Variants in ADAM22 observed in about 807,000 individuals in gnomAD.
ADAM22 encodes ADAM metallopeptidase domain 22.
ADAM22 carries 65 observed loss-of-function variants against 144.6 expected under a neutral mutation model. The observed-to-expected ratio is 0.45, with a 90% CI of 0.37 to 0.55. The LOEUF (loss-of-function observed/expected upper bound fraction) is 0.55. Among genes scored for constraint, ADAM22 ranks in the 20% least tolerant of loss-of-function variants. The probability of loss-of-function intolerance (pLI) is 0.00; values close to 1 mark genes in which losing one functional copy is unlikely to be tolerated. For missense variants in ADAM22, 974 were observed against 1,184.9 expected, an observed-to-expected ratio of 0.82 and a Z score of 2.61; for synonymous variants, 391 against 412.6, an observed-to-expected ratio of 0.95 and a Z score of 0.63.
At chr7:88,087,270 A>T (rs1161437256) in intron 4 of ADAM22, among the ~76,000 whole-genome samples, 1 of 152,186 alleles carries the variant, frequency 6.6e-6, no homozygotes, top group Non-Finnish European at 1.5e-5. Context: ...CATTTTTGGT[A>T]TCTAACAATT....
chr7:88,101,177 AT>A (rs1822815357), intron 4 of ADAM22, among the ~76,000 whole-genome samples: 1 of 150,252 alleles, frequency 6.7e-6, no homozygotes, highest in South Asian at 2.1e-4. Context: ...GAGGCTGTGA[AT>A]TTTTTAAAAG....
At chr7:87,963,283 G>C (rs1238326317) in intron 2 of ADAM22, among the ~76,000 whole-genome samples, 1 of 152,148 alleles carries the variant, frequency 6.6e-6, no homozygotes, top group East Asian at 1.9e-4. Context: ...TTGCCAGGAG[G>C]CAGCTTCCCA....
At position 87,938,594 on chromosome 7, in the gene ADAM22, C is replaced by G. The variant is rs773474031; in HGVS notation, c.246+3408C>G. On this transcript the variant is annotated intron_variant, in intron 2 of 31. Coordinates refer to ENST00000413139, the MANE Select transcript of ADAM22 (RefSeq NM_001324418.2). The stretch of plus-strand genomic sequence containing the variant: ...GGTGATTTTCTGTGAACTCAAAAAG[C>G]TTATATAGATTTGTTGATTTGTTTC... Among the ~76,000 whole-genome samples the G allele has an allele frequency of 7.4e-4, 112 of 152,088 alleles. No individual in the cohort carries two copies. The Middle Eastern group carries it at 0.014, about 18-fold the overall frequency.
At chr7:88,036,085 A>C (rs1054199761) in intron 3 of ADAM22, among the ~76,000 whole-genome samples, 3 of 152,350 alleles carry the variant, frequency 2.0e-5, no homozygotes, top group African/African-American at 7.2e-5. Flanking sequence ...TGGCAAAATT[A>C]AATATAAATG....
intron 4 of ADAM22, among the ~76,000 whole-genome samples, chr7:88,092,000 G>T (rs570204327): frequency 2.0e-5 from 3 of 150,036 alleles, no homozygotes; most frequent in Non-Finnish European, 3.0e-5. Flanking sequence ...TTCATTTTTA[G>T]TCCTTCTTTG....
chr7:87,942,133 G>A lies in ADAM22; in HGVS notation c.246+6947G>A, dbSNP rs947362400. Among the ~76,000 whole-genome samples, 32 of 152,228 alleles carry A rather than the reference G, an allele frequency of 2.1e-4. 1 individual carries two copies. In the Middle Eastern group the frequency reaches 0.017, roughly 81 times the overall value. ...AGATGTTCATAAAAGTGGGGCTGGG[G>A]GATGGAGCAGAAGAAAAGGTAGAGT... On this transcript the variant is annotated intron_variant, in intron 2 of 31. Transcript: ENST00000413139.
intron 14 of ADAM22, among the ~76,000 whole-genome samples, chr7:88,136,586 CT>C (rs1343017846): frequency 6.6e-6 from 1 of 151,970 alleles, no homozygotes; most frequent in African/African-American, 2.4e-5. Context: ...CAATGCTTGT[CT>C]TTTATTCTTG....
At chr7:87,984,632 C>T (rs918597521) in intron 3 of ADAM22, among the ~76,000 whole-genome samples, 1 of 152,168 alleles carries the variant, frequency 6.6e-6, no homozygotes, top group Non-Finnish European at 1.5e-5. Flanking sequence ...CTTAAATCCT[C>T]TTTCCGAATC....
In ADAM22 at chr7:88,098,128, G is replaced by A. The variant is rs116288405; in HGVS notation, c.391-10048G>A. Among the ~76,000 whole-genome samples the A allele has an allele frequency of 3.0e-3, 455 of 152,180 alleles. 3 individuals carry two copies. The highest frequency in any genetic ancestry group is 0.011 in the African/African-American group (439 of 41,536). ...TGACAGCTGCATATTAATTTCTCTC[G>A]ACTATTCTGTTACAAATAAGCAATT... On this transcript the variant is annotated intron_variant, in intron 4 of 31. Coordinates refer to ENST00000413139, the MANE Select transcript of ADAM22 (RefSeq NM_001324418.2).
At chr7:87,934,752 G>A (rs189387539) in intron 1 of ADAM22, 140 of 655,172 alleles carry the variant, frequency 2.1e-4, no homozygotes, top group Non-Finnish European at 3.4e-4. Flanking sequence ...GGAAGCCTTC[G>A]GTCAAAGCCT....
At chr7:88,008,214 C>T (rs1405284051) in intron 3 of ADAM22, among the ~76,000 whole-genome samples, 1 of 151,156 alleles carries the variant, frequency 6.6e-6, no homozygotes, top group African/African-American at 2.4e-5. Context: ...CATCTCACAC[C>T]AGTTAGAATG....
At chr7:88,035,053 T>C (rs1445880244) in intron 3 of ADAM22, among the ~76,000 whole-genome samples, 4 of 151,906 alleles carry the variant, frequency 2.6e-5, no homozygotes, top group Non-Finnish European at 4.4e-5. Flanking sequence ...TTGGTGTTCC[T>C]GCAGAGAGGA....
intron 2 of ADAM22, among the ~76,000 whole-genome samples, chr7:87,947,689 A>G (rs1273165096): frequency 6.6e-6 from 1 of 152,178 alleles, no homozygotes; most frequent in African/African-American, 2.4e-5. Context: ...ATTCATAATC[A>G]ATTTAATATG....
intron 22 of ADAM22, among the ~76,000 whole-genome samples, chr7:88,161,777 C>A (rs1841708126): frequency 6.6e-6 from 1 of 151,950 alleles, no homozygotes; most frequent in Non-Finnish European, 1.5e-5. Context: ...TCACACCAGT[C>A]AGAATGATTA....
At chr7:88,051,127 G>T (rs1806216776) in intron 3 of ADAM22, among the ~76,000 whole-genome samples, 1 of 152,328 alleles carries the variant, frequency 6.6e-6, no homozygotes, top group South Asian at 2.1e-4. Flanking sequence ...TTCAACCACT[G>T]TGGAAGACAG....
intron 30 of ADAM22, among the ~76,000 whole-genome samples, chr7:88,189,504 T>C (rs777525364): frequency 6.6e-6 from 1 of 152,204 alleles, no homozygotes; most frequent in Non-Finnish European, 1.5e-5. Context: ...GAAAGAGTAA[T>C]TCAAGGTGGC....
At chr7:88,117,765 C>T (rs2129491058) in intron 7 of ADAM22, among the ~76,000 whole-genome samples, 1 of 151,154 alleles carries the variant, frequency 6.6e-6, no homozygotes, top group Middle Eastern at 3.4e-3. Context: ...GCGACCTCAG[C>T]TCACTGCAAC....
intron 3 of ADAM22, among the ~76,000 whole-genome samples, chr7:88,041,812 G>C (rs1336123504): frequency 2.6e-5 from 4 of 151,962 alleles, no homozygotes; most frequent in African/African-American, 9.7e-5. Flanking sequence ...TGAAGGAATA[G>C]CATTCCCTTT....
At chr7:88,151,542 C>T (rs1017363910) in intron 20 of ADAM22, among the ~76,000 whole-genome samples, 3 of 152,178 alleles carry the variant, frequency 2.0e-5, no homozygotes, top group Non-Finnish European at 4.4e-5. Context: ...GTGGACGAGA[C>T]AGAAAGTGCC....
Sources: allele counts gnomAD v4.1 joint callset (sites outside exome capture counted in the v4.1 genomes callset), GRCh38; gene constraint gnomAD v4.1.1; transcripts MANE v1.5; gene names NCBI Gene and HGNC (gene_info 2026-07-23, HGNC 2026-07-21).